Variants in SLC60A2 observed in about 807,000 individuals in gnomAD.
SLC60A2 encodes the protein solute carrier family 60 member 2.
the SLC60A2 span, among the ~76,000 whole-genome samples, chr6:111,261,635 C>T: frequency 6.6e-6 from 1 of 152,054 alleles, no homozygotes; most frequent in Admixed American, 6.5e-5. Flanking sequence ...GCTCTGTCGC[C>T]CAGGCTGGAG....
At chr6:111,261,280 TGTTTAACAACATAAAAAACA>T in the SLC60A2 span, among the ~76,000 whole-genome samples, 1 of 152,226 alleles carries the variant, frequency 6.6e-6, no homozygotes, top group Non-Finnish European at 1.5e-5. Context: ...GAAATATTGC[TGTTTAACAACATAAAAAACA>T]GGAATCATAT....
At chr6:111,260,099 CGG>C in the SLC60A2 span, among the ~76,000 whole-genome samples, 30 of 152,172 alleles carry the variant, frequency 2.0e-4, 1 homozygote, top group East Asian at 5.6e-3. Context: ...TTAGTAGAGA[CGG>C]GGCTTCGCCA....
the SLC60A2 span, among the ~76,000 whole-genome samples, chr6:111,279,384 G>A: frequency 6.6e-6 from 1 of 151,862 alleles, no homozygotes; most frequent in Admixed American, 6.6e-5. Flanking sequence ...GAGTAGCTGG[G>A]ACTACAGGCG....
At chr6:111,271,775 TA>T in the SLC60A2 span, among the ~76,000 whole-genome samples, 14 of 18,850 alleles carry the variant, frequency 7.4e-4, no homozygotes, top group East Asian at 4.5e-3. Context: ...CCATCTCTAC[TA>T]AAAAAAAAAA....
chr6:111,277,315 T>A, the SLC60A2 span, among the ~76,000 whole-genome samples: 1 of 152,216 alleles, frequency 6.6e-6, no homozygotes, highest in Admixed American at 6.5e-5. Flanking sequence ...TGGAAGAGCG[T>A]GTTAGACAAG....
At chr6:111,259,415 C>G in the SLC60A2 span, 3 of 399,356 alleles carry the variant, frequency 7.5e-6, no homozygotes, top group South Asian at 2.5e-4. Context: ...CCGGGCGGTC[C>G]GCTGGGAGGT....
At chr6:111,271,775 T>TAAAA in the SLC60A2 span, among the ~76,000 whole-genome samples, 39 of 18,854 alleles carry the variant, frequency 2.1e-3, 7 homozygotes, top group East Asian at 4.5e-3. Flanking sequence ...CCATCTCTAC[T>TAAAA]AAAAAAAAAA....
chr6:111,272,594 C>T, the SLC60A2 span, among the ~76,000 whole-genome samples: 1 of 150,898 alleles, frequency 6.6e-6, no homozygotes, highest in African/African-American at 2.4e-5. Flanking sequence ...TCACTGCAAC[C>T]TCTGTCTCCC....
the SLC60A2 span, chr6:111,263,856 G>C: frequency 6.2e-7 from 1 of 1,606,722 alleles, no homozygotes; most frequent in Non-Finnish European, 8.5e-7. Context: ...TACCACCGTT[G>C]GTCTTTATCT....
At chr6:111,277,751 A>G in the SLC60A2 span, among the ~76,000 whole-genome samples, 8 of 152,180 alleles carry the variant, frequency 5.3e-5, no homozygotes, top group Admixed American at 2.6e-4. Context: ...GTACTTGTCT[A>G]TGTCTTTGGG....
chr6:111,266,740 C>T, the SLC60A2 span: 1 of 1,614,172 alleles, frequency 6.2e-7, no homozygotes, highest in East Asian at 2.2e-5. Flanking sequence ...TCTTTGGGAG[C>T]ATCAATAGCT....
chr6:111,261,564 G>C, the SLC60A2 span, among the ~76,000 whole-genome samples: 3 of 152,116 alleles, frequency 2.0e-5, no homozygotes, highest in Admixed American at 6.6e-5. Context: ...GATTACAGGT[G>C]TAAGCAACCA....
chr6:111,272,005 A>G, the SLC60A2 span, among the ~76,000 whole-genome samples: 2 of 151,978 alleles, frequency 1.3e-5, no homozygotes. Flanking sequence ...TTATCATGGC[A>G]ATGTGTCACT....
At chr6:111,262,121 T>G in the SLC60A2 span, 1 of 554,776 alleles carries the variant, frequency 1.8e-6, no homozygotes, top group East Asian at 3.1e-5. Flanking sequence ...AAAAAAACAG[T>G]AGTCTAATTC....
the SLC60A2 span, among the ~76,000 whole-genome samples, chr6:111,279,801 G>A: frequency 4.2e-3 from 646 of 152,246 alleles, 3 homozygotes; most frequent in Middle Eastern, 0.01. Flanking sequence ...TAGGCTGGGC[G>A]TGGTGGCTCA....
the SLC60A2 span, among the ~76,000 whole-genome samples, chr6:111,273,493 T>C: frequency 9.1e-6 from 1 of 110,426 alleles, no homozygotes; most frequent in Admixed American, 9.5e-5. Flanking sequence ...AGTTGAGATT[T>C]GTGTTTTTTT....
the SLC60A2 span, among the ~76,000 whole-genome samples, chr6:111,272,933 C>T: frequency 3.9e-5 from 6 of 151,994 alleles, no homozygotes; most frequent in South Asian, 2.1e-4. Flanking sequence ...TGGGTTCAAG[C>T]GATTCTCCTG....
At chr6:111,267,130 T>C in the SLC60A2 span, 5 of 1,585,796 alleles carry the variant, frequency 3.2e-6, no homozygotes, top group Non-Finnish European at 4.3e-6. Context: ...AGAAGATGGA[T>C]TACTCACTGA....
At chr6:111,273,193 C>T in the SLC60A2 span, among the ~76,000 whole-genome samples, 1 of 152,210 alleles carries the variant, frequency 6.6e-6, no homozygotes, top group East Asian at 1.9e-4. Context: ...CTCTGTTGCT[C>T]AGGCTGGAGT....
Sources: gnomAD v4.1 joint callset for allele counts (sites outside exome capture counted in the v4.1 genomes callset) on GRCh38, gnomAD v4.1.1 for gene constraint, MANE v1.5 for transcripts, NCBI Gene and HGNC (gene_info 2026-07-23, HGNC 2026-07-21) for gene names.